SLC49A4: variants seen among roughly 807,000 people sequenced by gnomAD.
SLC49A4 encodes disrupted in renal cancer protein 2.
SLC49A4 carries 36 observed loss-of-function variants against 50.6 expected under a neutral mutation model. The observed-to-expected ratio is 0.71, with a 90% CI of 0.55 to 0.94. The LOEUF (loss-of-function observed/expected upper bound fraction) is 0.94, where lower values mean the gene tolerates loss of function less well. Ranked by LOEUF, SLC49A4 falls within the 40% of genes least tolerant of loss-of-function variation. The pLI is 0.00. For missense variants in SLC49A4, 503 were observed against 605.7 expected, an observed-to-expected ratio of 0.83 and a Z score of 1.78; for synonymous variants, 248 against 241.2, an observed-to-expected ratio of 1.03 and a Z score of -0.26.
intron 2 of SLC49A4, among the ~76,000 whole-genome samples, chr3:122,819,485 A>G (rs1010241768): frequency 3.3e-5 from 5 of 152,164 alleles, no homozygotes; most frequent in South Asian, 2.1e-4. Flanking sequence ...GTTCATCTTC[A>G]TATTCCCTTT....
intron 2 of SLC49A4, among the ~76,000 whole-genome samples, chr3:122,819,091 A>G (rs965646133): frequency 6.6e-6 from 1 of 151,926 alleles, no homozygotes; most frequent in Non-Finnish European, 1.5e-5. Context: ...TCTACAAAAA[A>G]TTTAAAAATT....
intron 2 of SLC49A4, among the ~76,000 whole-genome samples, chr3:122,816,276 G>A (rs941281306): frequency 2.0e-5 from 3 of 152,018 alleles, no homozygotes; most frequent in Admixed American, 1.3e-4. Flanking sequence ...TGCAGGCCTC[G>A]GGCAGAGAAA....
In SLC49A4 at chr3:122,872,315, T is replaced by A. The variant is rs1381724899; in HGVS notation, c.1139-100T>A. The A allele has an allele frequency of 3.0e-6, 3 of 1,013,644 alleles. No individual in the cohort carries two copies. The Admixed American group carries it at 7.5e-5, about 25-fold the overall frequency. The allele number at this position is 1,013,644 out of a possible 1,614,324, so 62.8% of individuals were successfully genotyped here. ...ATCAACTACCTTTGAAAAGAAGAAA[T>A]TTTTGAGTCAATACTTAGGAAAGAG... On this transcript the variant is annotated intron_variant, in intron 7 of 8. Transcript: ENST00000261038.
intron 2 of SLC49A4, among the ~76,000 whole-genome samples, chr3:122,812,281 T>C (rs916778827): frequency 1.3e-5 from 2 of 152,182 alleles, no homozygotes; most frequent in African/African-American, 4.8e-5. Context: ...CTGAAAGCAC[T>C]AGCTAAGTAA....
At chr3:122,798,896 C>T (rs991098255) in intron 1 of SLC49A4, among the ~76,000 whole-genome samples, 6 of 152,012 alleles carry the variant, frequency 3.9e-5, no homozygotes, top group Non-Finnish European at 7.4e-5. Context: ...AAATATCTTG[C>T]ACCCTGGGGG....
At chr3:122,831,097 T>A (rs898433576) in intron 3 of SLC49A4, among the ~76,000 whole-genome samples, 2 of 152,036 alleles carry the variant, frequency 1.3e-5, no homozygotes, top group Non-Finnish European at 2.9e-5. Context: ...CCAGTAGGAT[T>A]GCTAGAATCA....
intron 5 of SLC49A4, among the ~76,000 whole-genome samples, chr3:122,851,832 C>CT (rs1015795962): frequency 6.6e-6 from 1 of 151,742 alleles, no homozygotes; most frequent in Non-Finnish European, 1.5e-5. Context: ...CTCCCACCCA[C>CT]TTTTTTTTGT....
chr3:122,847,757 TAAA>T (rs1177276503), intron 5 of SLC49A4, among the ~76,000 whole-genome samples: 3 of 152,078 alleles, frequency 2.0e-5, no homozygotes, highest in African/African-American at 7.2e-5. Context: ...TTAAAAAAAT[TAAA>T]AAAGCAATCA....
intron 8 of SLC49A4, among the ~76,000 whole-genome samples, chr3:122,877,219 G>A (rs964438555): frequency 5.9e-5 from 9 of 152,082 alleles, no homozygotes; most frequent in Admixed American, 3.9e-4. Flanking sequence ...TATGTGAATG[G>A]TTTTCAGCAG....
At chr3:122,844,243 A>G (rs1936817778) in intron 4 of SLC49A4, among the ~76,000 whole-genome samples, 1 of 152,178 alleles carries the variant, frequency 6.6e-6, no homozygotes, top group East Asian at 1.9e-4. Flanking sequence ...GCTAATTTTT[A>G]TATATTTTTT....
chr3:122,861,035 C>T (rs142508346), intron 7 of SLC49A4, among the ~76,000 whole-genome samples: 269 of 152,260 alleles, frequency 1.8e-3, no homozygotes, highest in Admixed American at 3.4e-3. Context: ...ATTATCTGTG[C>T]CTTTCTTCCA....
At chr3:122,833,634 A>G (rs1936637173) in intron 4 of SLC49A4, among the ~76,000 whole-genome samples, 188 bp downstream of exon 4, 1 of 152,192 alleles carries the variant, frequency 6.6e-6, no homozygotes, top group African/African-American at 2.4e-5. Context: ...CACCAAAAAC[A>G]AAAACTTCTA....
intron 2 of SLC49A4, among the ~76,000 whole-genome samples, chr3:122,812,527 A>G (rs1936312672): frequency 6.6e-6 from 1 of 152,206 alleles, no homozygotes; most frequent in Non-Finnish European, 1.5e-5. Context: ...CCAGGGCTCC[A>G]ACCCAGTCCC....
rs114734686 is a variant in SLC49A4 at position 122,856,184 on chromosome 3, C to G, written c.943-123C>G. On this transcript the variant is annotated intron_variant, in intron 5 of 8. Transcript: ENST00000261038. ...TAGATGTTTGTATACATTAGTTACA[C>G]ATGAATTCTTTTATTTCATCCATTT... 4.2e-3 allele frequency: 3,418 copies of G among 809,716 alleles called. 17 individuals are homozygous for G. Among genetic ancestry groups the G allele is most frequent in the Non-Finnish European group, 6.0e-3 (2,983 of 494,246 alleles). 50.2% of individuals were successfully genotyped at this position (809,716 alleles called of 1,614,324 possible). A position where few individuals can be genotyped will look rare whatever the true frequency, so the allele number is the denominator to read the frequency against.
chr3:122,858,291 A>G, intron 6 of SLC49A4, among the ~76,000 whole-genome samples: 1 of 152,208 alleles, frequency 6.6e-6, no homozygotes, highest in Admixed American at 6.5e-5. Context: ...ACTTTCTTGC[A>G]ATTCAACTCT....
chr3:122,859,529 G>A lies in SLC49A4; in HGVS notation c.1011-546G>A, dbSNP rs541790716. Among the ~76,000 whole-genome samples the A allele has an allele frequency of 1.7e-4, 26 of 152,254 alleles. 1 individual carries two copies. In the South Asian group the frequency reaches 5.2e-3, roughly 30 times the overall value. On this transcript the variant is annotated intron_variant, in intron 6 of 8. Coordinates refer to ENST00000261038, the MANE Select transcript of SLC49A4 (RefSeq NM_032839.3). ...ATGTTTGGAAAGTATAGAAAAATAT[G>A]AAGAAAATGACAGTGACACTTAAAA...
chr3:122,806,975 C>T lies in SLC49A4; in HGVS notation c.437+25C>T, dbSNP rs1392904286. On this transcript the variant is annotated intron_variant, in intron 2 of 8. Coordinates refer to ENST00000261038, the MANE Select transcript of SLC49A4 (RefSeq NM_032839.3). The stretch of plus-strand genomic sequence containing the variant: ...GGTAAATCCTGTAAATAACATTTCT[C>T]CCCCATTTTTCATTTTATTATGTGT... 3.6e-6 allele frequency: 5 copies of T among 1,369,884 alleles called. No homozygotes were observed. The East Asian group carries it at 9.3e-5, about 26-fold the overall frequency. The allele number at this position is 1,369,884 out of a possible 1,614,324, so 84.9% of individuals were successfully genotyped here. A position where few individuals can be genotyped will look rare whatever the true frequency, so the allele number is the denominator to read the frequency against.
At chr3:122,829,283 C>T (rs1936578810) in intron 3 of SLC49A4, among the ~76,000 whole-genome samples, 1 of 152,002 alleles carries the variant, frequency 6.6e-6, no homozygotes, top group Non-Finnish European at 1.5e-5. Context: ...GTTTAACATT[C>T]AAAACTCAAT....
chr3:122,835,574 A>C (rs541984563), intron 4 of SLC49A4, among the ~76,000 whole-genome samples: 1 of 152,158 alleles, frequency 6.6e-6, no homozygotes, highest in African/African-American at 2.4e-5. Flanking sequence ...TAAAAAAAAA[A>C]CCCTCAACAA....
Sources: gnomAD v4.1 joint callset for allele counts (sites outside exome capture counted in the v4.1 genomes callset) on GRCh38, gnomAD v4.1.1 for gene constraint, MANE v1.5 for transcripts, NCBI Gene and HGNC (gene_info 2026-07-23, HGNC 2026-07-21) for gene names.